The following GSG1L variants were observed in gnomAD, a reference collection of about 807,000 sequenced individuals.
The protein encoded by GSG1L is germ cell-specific gene 1-like protein.
Under a neutral mutation model 42.1 loss-of-function variants are expected in GSG1L, and 24 were observed. The observed-to-expected ratio is 0.57, with a 90% CI of 0.41 to 0.80. The LOEUF (loss-of-function observed/expected upper bound fraction) is 0.80, where lower values mean the gene tolerates loss of function less well. Ranked by LOEUF, GSG1L falls within the 30% of genes least tolerant of loss-of-function variation. GSG1L has a pLI of 0.00. For synonymous variants in GSG1L, 215 were observed against 203.5 expected (o/e 1.06, Z -0.48); for missense variants, 445 against 472.2 (o/e 0.94, Z 0.53).
At chr16:27,902,401 A>G (rs2084269375) in intron 2 of GSG1L, among the ~76,000 whole-genome samples, 1 of 152,120 alleles carries the variant, frequency 6.6e-6, no homozygotes, top group African/African-American at 2.4e-5. Context: ...CCCTCTGGTG[A>G]CATTTGTGGG....
At chr16:27,967,369 T>C (rs2085147126) in intron 1 of GSG1L, among the ~76,000 whole-genome samples, 1 of 152,192 alleles carries the variant, frequency 6.6e-6, no homozygotes, top group South Asian at 2.1e-4. Flanking sequence ...TCCTCTCTTA[T>C]TTATGTCACT....
intron 4 of GSG1L, among the ~76,000 whole-genome samples, chr16:27,832,942 C>T (rs966139007): frequency 4.6e-5 from 7 of 152,136 alleles, no homozygotes; most frequent in Non-Finnish European, 8.8e-5. Flanking sequence ...AATAGGGTCT[C>T]TTGTGGAACA....
chr16:27,792,945 T>C (rs1460778340), intron 6 of GSG1L, among the ~76,000 whole-genome samples: 2 of 152,246 alleles, frequency 1.3e-5, no homozygotes, highest in Non-Finnish European at 2.9e-5. Flanking sequence ...GTCACAGCTA[T>C]GATAGAGCTG....
chr16:27,835,681 T>C (rs888985691), intron 4 of GSG1L, among the ~76,000 whole-genome samples: 3 of 152,114 alleles, frequency 2.0e-5, no homozygotes, highest in Non-Finnish European at 2.9e-5. Context: ...TATATAGCTT[T>C]TTTAGGGGTT....
intron 1 of GSG1L, among the ~76,000 whole-genome samples, chr16:27,979,696 A>AAAGAAAGAAAGAGAGAG (rs2085298316): frequency 1.9e-5 from 1 of 52,224 alleles, no homozygotes; most frequent in Non-Finnish European, 4.2e-5. Context: ...AGAAGGAAGG[A>AAAGAAAGAAAGAGAGAG]AGGAAGGAAG....
At chr16:27,952,265 A>G (rs2141097008) in intron 2 of GSG1L, among the ~76,000 whole-genome samples, 1 of 152,356 alleles carries the variant, frequency 6.6e-6, no homozygotes, top group East Asian at 1.9e-4. Context: ...CGCCACAAAG[A>G]CAAGATGCAG....
intron 1 of GSG1L, among the ~76,000 whole-genome samples, chr16:27,996,603 C>T (rs2141139704): frequency 6.6e-6 from 1 of 152,340 alleles, no homozygotes; most frequent in African/African-American, 2.4e-5. Context: ...TTGAGACCCA[C>T]TGCTCATCCA....
At chr16:28,062,514 G>A (rs890126456) in intron 1 of GSG1L, among the ~76,000 whole-genome samples, 1 of 152,160 alleles carries the variant, frequency 6.6e-6, no homozygotes, top group African/African-American at 2.4e-5. Context: ...GGCTTTCCGG[G>A]AGCCCGCGGG....
chr16:27,836,999 A>G (rs1207361393), intron 4 of GSG1L, among the ~76,000 whole-genome samples: 1 of 152,150 alleles, frequency 6.6e-6, no homozygotes, highest in East Asian at 1.9e-4. Context: ...GGCGAGGTGG[A>G]GGCTCTGCCC....
At chr16:28,018,883 C>G (rs573827811) in intron 1 of GSG1L, among the ~76,000 whole-genome samples, 1 of 152,244 alleles carries the variant, frequency 6.6e-6, no homozygotes, top group East Asian at 1.9e-4. Context: ...AGCCCAGCTG[C>G]GACCTGCACA....
At chr16:27,838,980 C>T (rs764182590) in intron 4 of GSG1L, among the ~76,000 whole-genome samples, 78 of 152,354 alleles carry the variant, frequency 5.1e-4, no homozygotes, top group Middle Eastern at 3.4e-3. Context: ...TCAGCACACA[C>T]ACCCTCTCCA....
At chr16:27,849,464 C>A (rs1245076998) in intron 3 of GSG1L, among the ~76,000 whole-genome samples, 3 of 152,156 alleles carry the variant, frequency 2.0e-5, no homozygotes, top group Non-Finnish European at 4.4e-5. Context: ...CAGGCTGTTG[C>A]AAGGGCCCAG....
At chr16:27,919,771 A>G (rs953656370) in intron 2 of GSG1L, among the ~76,000 whole-genome samples, 5 of 152,186 alleles carry the variant, frequency 3.3e-5, no homozygotes, top group Admixed American at 3.3e-4. Flanking sequence ...TCGGCTCAAC[A>G]TTACACCCTA....
At chr16:27,925,941 T>G (rs1438487896) in intron 2 of GSG1L, among the ~76,000 whole-genome samples, 1 of 152,132 alleles carries the variant, frequency 6.6e-6, no homozygotes. Flanking sequence ...AAAAATGCAT[T>G]TATGCCAACA....
chr16:27,846,654 T>C (rs1346891061), intron 3 of GSG1L, among the ~76,000 whole-genome samples: 2 of 152,210 alleles, frequency 1.3e-5, no homozygotes, highest in East Asian at 1.9e-4. Context: ...TTAAAGATTC[T>C]GCTTCAAAAT....
intron 3 of GSG1L, among the ~76,000 whole-genome samples, chr16:27,870,117 C>G (rs1294984332): frequency 4.7e-5 from 7 of 148,714 alleles, no homozygotes; most frequent in Non-Finnish European, 1.0e-4. Flanking sequence ...CTTCTCTCCT[C>G]TCTCTGTCTG....
At chr16:27,848,635 A>T (rs2083469634) in intron 3 of GSG1L, among the ~76,000 whole-genome samples, 1 of 152,162 alleles carries the variant, frequency 6.6e-6, no homozygotes. Flanking sequence ...TTAGCATATA[A>T]ACTAACATGA....
At chr16:27,975,572 G>A (rs904914590) in intron 1 of GSG1L, among the ~76,000 whole-genome samples, 5 of 152,210 alleles carry the variant, frequency 3.3e-5, no homozygotes, top group African/African-American at 1.2e-4. Flanking sequence ...CTATTTACGT[G>A]TAGTCCTGTG....
intron 3 of GSG1L, among the ~76,000 whole-genome samples, chr16:27,854,953 C>T (rs1411803204): frequency 6.6e-6 from 1 of 152,184 alleles, no homozygotes; most frequent in Non-Finnish European, 1.5e-5. Flanking sequence ...CTACCTTCTA[C>T]ATTTCTACCC....
Sources: allele counts gnomAD v4.1 joint callset (sites outside exome capture counted in the v4.1 genomes callset), GRCh38; gene constraint gnomAD v4.1.1; transcripts MANE v1.5; gene names NCBI Gene and HGNC (gene_info 2026-07-23, HGNC 2026-07-21).